The following SYT16 variants were observed in gnomAD, a reference collection of about 807,000 sequenced individuals.
SYT16 encodes the protein synaptotagmin 16.
SYT16 carries 42 observed loss-of-function variants against 61.4 expected under a neutral mutation model. The observed-to-expected ratio is 0.68, with a 90% CI of 0.53 to 0.89. The LOEUF is 0.89. Among genes scored for constraint, SYT16 ranks in the 40% least tolerant of loss-of-function variants. SYT16 has a pLI of 0.00. For synonymous variants in SYT16, 314 were observed against 302.3 expected (o/e 1.04, Z -0.40); for missense variants, 804 against 807.3 (o/e 1.00, Z 0.05).
intron 1 of SYT16, among the ~76,000 whole-genome samples, chr14:61,961,594 A>G (rs375281703): frequency 1.3e-5 from 2 of 152,226 alleles, no homozygotes; most frequent in African/African-American, 4.8e-5. Flanking sequence ...CACAATGAAT[A>G]TTATTAAAAA....
intron 1 of SYT16, among the ~76,000 whole-genome samples, chr14:61,892,263 T>G (rs995383132): frequency 6.6e-6 from 1 of 152,008 alleles, no homozygotes; most frequent in Non-Finnish European, 1.5e-5. Flanking sequence ...CTCCATTGCT[T>G]GCTAATCTCT....
rs1215448678 is a variant in SYT16, at chr14:62,111,197, T to C, written c.*10490T>C. ...TACAGCTCTGTTGTTCTAAAATATT[T>C]TATTGGTTTTCCTTTATATCTCAAC... is the stretch of plus-strand genomic sequence containing the variant. On this transcript the variant is annotated 3_prime_UTR_variant, in exon 8 of 8. Transcript: ENST00000683842. 1 of 152,064 alleles carries C rather than the reference T, an allele frequency of 6.6e-6. No individual in the cohort carries two copies. The highest frequency in any genetic ancestry group is 1.5e-5 in the Non-Finnish European group (1 of 67,952). The allele number at this position is 152,064 out of a possible 1,614,324, so 9.4% of individuals were successfully genotyped here. A position where few individuals can be genotyped will look rare whatever the true frequency, so the allele number is the denominator to read the frequency against.
intron 1 of SYT16, among the ~76,000 whole-genome samples, chr14:61,820,315 C>T (rs1269689943): frequency 6.6e-6 from 1 of 152,118 alleles, no homozygotes; most frequent in East Asian, 1.9e-4. Flanking sequence ...GCTACAACAG[C>T]TACCTCTTTG....
rs552843156 is a variant in SYT16, at chr14:62,075,126, C to G, written c.737-9C>G. 12 of 1,592,088 alleles carry G rather than the reference C, an allele frequency of 7.5e-6. No individual in the cohort carries two copies. In the African/African-American group the frequency reaches 1.5e-4, roughly 20 times the overall value. On this transcript the variant is annotated splice_polypyrimidine_tract_variant and intron_variant, in intron 4 of 7. Transcript: ENST00000683842. ...TGCATTTGAAATGGTTTTCTTATTG[C>G]AAATTTAGATTTGGATGGAGCCAGC...
At chr14:62,066,315 C>G (rs2056059528) in intron 3 of SYT16, among the ~76,000 whole-genome samples, 1 of 152,178 alleles carries the variant, frequency 6.6e-6, no homozygotes, top group Non-Finnish European at 1.5e-5. Flanking sequence ...TGCTTTAAAT[C>G]AGATCTTGGT....
intron 3 of SYT16, among the ~76,000 whole-genome samples, chr14:62,017,005 T>A (rs1595165858): frequency 1.3e-5 from 2 of 152,134 alleles, no homozygotes; most frequent in African/African-American, 4.8e-5. Flanking sequence ...GTTAGTTAAA[T>A]TTTGCTGAAA....
At chr14:61,911,580 A>G (rs2048936762) in intron 1 of SYT16, among the ~76,000 whole-genome samples, 1 of 152,236 alleles carries the variant, frequency 6.6e-6, no homozygotes, top group South Asian at 2.1e-4. Context: ...CAGAGGAGCT[A>G]TGTCCTATGT....
chr14:62,058,740 G>T lies in SYT16; in HGVS notation c.524-10863G>T, dbSNP rs139308225. ...ACATTTTCACCAGGAGTGTATGAGG[G>T]CTCCAGATGCTTTGCTTCCTTGACT... On this transcript the variant is annotated intron_variant, in intron 3 of 7. Transcript: ENST00000683842. 3.5e-3 allele frequency among the ~76,000 whole-genome samples: 536 copies of T among 152,198 alleles called. 6 individuals carry two copies. Among genetic ancestry groups the T allele is most frequent in the Non-Finnish European group, 5.1e-3 (347 of 67,994 alleles).
At chr14:61,874,631 G>A (rs1165858714) in intron 1 of SYT16, among the ~76,000 whole-genome samples, 1 of 152,146 alleles carries the variant, frequency 6.6e-6, no homozygotes, top group African/African-American at 2.4e-5. Flanking sequence ...AAAAGTTAGA[G>A]TCCATCCAGA....
chr14:61,849,704 G>C (rs915019590), intron 1 of SYT16, among the ~76,000 whole-genome samples: 5 of 152,098 alleles, frequency 3.3e-5, no homozygotes, highest in Non-Finnish European at 7.3e-5. Flanking sequence ...GAGAGGGGTG[G>C]CATTGGCAGT....
At chr14:62,052,249 C>G (rs28694803) in intron 3 of SYT16, among the ~76,000 whole-genome samples, 68,598 of 151,836 alleles carry the variant, frequency 0.45, 18,751 homozygotes, top group African/African-American at 0.78. Context: ...CTATACCCCA[C>G]AAATGTATGA....
intron 6 of SYT16, among the ~76,000 whole-genome samples, chr14:62,082,093 G>A (rs1367321656): frequency 6.6e-6 from 1 of 152,166 alleles, no homozygotes; most frequent in Non-Finnish European, 1.5e-5. Context: ...TTGAGGTGGT[G>A]ATAAAACGCC....
At chr14:62,093,860 C>G (rs1566843495) in intron 7 of SYT16, among the ~76,000 whole-genome samples, 2 of 151,958 alleles carry the variant, frequency 1.3e-5, no homozygotes, top group African/African-American at 2.4e-5. Flanking sequence ...ATGATTAAAC[C>G]CTGCTGACTC....
intron 5 of SYT16, among the ~76,000 whole-genome samples, chr14:62,078,171 A>ATATATAT (rs745673892): frequency 2.1e-5 from 3 of 140,302 alleles, no homozygotes; most frequent in Non-Finnish European, 3.1e-5. Context: ...ATATATATAT[A>ATATATAT]AACACACACA....
intron 3 of SYT16, among the ~76,000 whole-genome samples, chr14:62,018,787 ACT>A (rs2140747274): frequency 6.6e-6 from 1 of 150,616 alleles, no homozygotes; most frequent in Admixed American, 6.6e-5. Flanking sequence ...ACCTCCCTCC[ACT>A]CTCCACCTGT....
chr14:62,079,731 C>T (rs2056639240), intron 5 of SYT16, among the ~76,000 whole-genome samples: 1 of 152,192 alleles, frequency 6.6e-6, no homozygotes, highest in Non-Finnish European at 1.5e-5. Context: ...AGGATCATGC[C>T]TTCAGAGGAA....
chr14:62,018,411 G>A (rs1426995307), intron 3 of SYT16, among the ~76,000 whole-genome samples: 2 of 142,278 alleles, frequency 1.4e-5, no homozygotes, highest in South Asian at 2.4e-4. Context: ...AGGATCAAGC[G>A]ATTCTCCTAC....
chr14:62,078,572 C>T (rs554305815), intron 5 of SYT16, among the ~76,000 whole-genome samples: 1 of 152,222 alleles, frequency 6.6e-6, no homozygotes, highest in African/African-American at 2.4e-5. Flanking sequence ...CCCCAGGGAA[C>T]AAAAGTGCGA....
At chr14:61,989,009 C>A (rs1352515144) in intron 2 of SYT16, among the ~76,000 whole-genome samples, 2 of 151,978 alleles carry the variant, frequency 1.3e-5, no homozygotes, top group Non-Finnish European at 2.9e-5. Context: ...AGTCACCTAC[C>A]CTTTCTGAGC....
Sources: allele counts gnomAD v4.1 joint callset (sites outside exome capture counted in the v4.1 genomes callset), GRCh38; gene constraint gnomAD v4.1.1; transcripts MANE v1.5; gene names NCBI Gene and HGNC (gene_info 2026-07-23, HGNC 2026-07-21).